The following PHYHIPL variants were observed in gnomAD, a reference collection of about 807,000 sequenced individuals.
PHYHIPL encodes phytanoyl-CoA 2-hydroxylase interacting protein like, also known as phytanoyl-CoA hydroxylase-interacting protein-like.
PHYHIPL carries 9 observed loss-of-function variants against 33.4 expected under a neutral mutation model. That is an observed-to-expected ratio of 0.27 (90% CI 0.16 to 0.47). The LOEUF is 0.47. Among genes scored for constraint, PHYHIPL ranks in the 20% least tolerant of loss-of-function variants. The pLI, the probability that PHYHIPL is intolerant of heterozygous loss-of-function variation, is 0.99. For missense variants in PHYHIPL, 365 were observed against 460.7 expected, an observed-to-expected ratio of 0.79 and a Z score of 1.90; for synonymous variants, 153 against 154.1, an observed-to-expected ratio of 0.99 and a Z score of 0.05.
chr10:59,217,694 AT>A (rs1839656362), intron 1 of PHYHIPL, among the ~76,000 whole-genome samples: 2 of 151,912 alleles, frequency 1.3e-5, no homozygotes, highest in African/African-American at 4.8e-5. Flanking sequence ...TTTATAAATT[AT>A]TGCTCAATTC....
chr10:59,229,366 G>A (rs1406076548), intron 1 of PHYHIPL, among the ~76,000 whole-genome samples: 1 of 152,046 alleles, frequency 6.6e-6, no homozygotes, highest in Non-Finnish European at 1.5e-5. Context: ...AATTATTATG[G>A]TGAATGATTT....
intron 1 of PHYHIPL, among the ~76,000 whole-genome samples, chr10:59,213,813 A>C (rs188191515): frequency 1.3e-5 from 2 of 152,332 alleles, no homozygotes; most frequent in East Asian, 3.9e-4. Context: ...TAAGTGACTC[A>C]ATCAGTGTTA....
chr10:59,183,738 A>G, intron 1 of PHYHIPL: 1 of 931,890 alleles, frequency 1.1e-6, no homozygotes, highest in Non-Finnish European at 1.3e-6. Context: ...TGTTATGACT[A>G]TTTGAGCCAT....
upstream of PHYHIPL, among the ~76,000 whole-genome samples, chr10:59,176,131 G>T (rs1838243748): frequency 6.6e-6 from 1 of 152,218 alleles, no homozygotes; most frequent in Admixed American, 6.5e-5. Flanking sequence ...GTCCGGCCGA[G>T]CCCGCAGGGT....
chr10:59,243,836 G>T (rs1478317061), intron 4 of PHYHIPL, among the ~76,000 whole-genome samples: 1 of 152,060 alleles, frequency 6.6e-6, no homozygotes, highest in Non-Finnish European at 1.5e-5. Context: ...CCTTCATAGA[G>T]GTGTAGTCAG....
chr10:59,200,585 G>A (rs1047534146), intron 1 of PHYHIPL, among the ~76,000 whole-genome samples: 1 of 152,148 alleles, frequency 6.6e-6, no homozygotes, highest in South Asian at 2.1e-4. Context: ...ATGAGTTAGG[G>A]AGGATTCCCC....
chr10:59,224,542 A>G (rs1839874310), intron 1 of PHYHIPL, among the ~76,000 whole-genome samples: 1 of 152,178 alleles, frequency 6.6e-6, no homozygotes, highest in East Asian at 1.9e-4. Context: ...CAATTGAACT[A>G]TATATCAAAA....
intron 1 of PHYHIPL, among the ~76,000 whole-genome samples, chr10:59,186,044 C>T (rs1838590365): frequency 6.6e-6 from 1 of 152,152 alleles, no homozygotes; most frequent in Non-Finnish European, 1.5e-5. Flanking sequence ...CTTGTCCATG[C>T]CTATGTCCTG....
chr10:59,180,520 T>C (rs1838387873), intron 1 of PHYHIPL, among the ~76,000 whole-genome samples: 1 of 151,612 alleles, frequency 6.6e-6, no homozygotes, highest in Non-Finnish European at 1.5e-5. Context: ...TTAACAAATA[T>C]TATTTTCATG....
chr10:59,186,186 C>T (rs2133189298), intron 1 of PHYHIPL, among the ~76,000 whole-genome samples: 1 of 152,284 alleles, frequency 6.6e-6, no homozygotes, highest in Non-Finnish European at 1.5e-5. Flanking sequence ...CTCCATATGG[C>T]TAGCCAGTTT....
chr10:59,184,179 T>A (rs1838499725), intron 1 of PHYHIPL, among the ~76,000 whole-genome samples: 3 of 152,146 alleles, frequency 2.0e-5, no homozygotes, highest in Admixed American at 6.5e-5. Flanking sequence ...CTGGGCAAAA[T>A]CCATAAGCCT....
chr10:59,247,489 A>C lies in PHYHIPL; in HGVS notation c.*1898A>C. The C allele has an allele frequency of 8.6e-7, 1 of 1,168,702 alleles. No individual in the cohort carries two copies. The highest frequency in any genetic ancestry group is 1.2e-6 in the Non-Finnish European group (1 of 809,426). The allele number at this position is 1,168,702 out of a possible 1,614,324, so 72.4% of individuals were successfully genotyped here. A position where few individuals can be genotyped will look rare whatever the true frequency, so the allele number is the denominator to read the frequency against. On this transcript the variant is annotated 3_prime_UTR_variant, in exon 5 of 5. Coordinates refer to ENST00000373880, the MANE Select transcript of PHYHIPL (RefSeq NM_032439.4). ...TTAAACTTGCTATTCCTTCTTAAAA[A>C]CAGCTAATACTACCACTAAAGTGCT... is the stretch of plus-strand genomic sequence containing the variant.
chr10:59,177,852 T>C (rs968095332), intron 1 of PHYHIPL, among the ~76,000 whole-genome samples: 1 of 152,210 alleles, frequency 6.6e-6, no homozygotes, highest in Non-Finnish European at 1.5e-5. Flanking sequence ...TAGTAATTGG[T>C]TGGCCGAATA....
chr10:59,179,743 AT>A (rs1838348892), intron 1 of PHYHIPL, among the ~76,000 whole-genome samples: 1 of 151,064 alleles, frequency 6.6e-6, no homozygotes, highest in African/African-American at 2.4e-5. Context: ...CAATAATTCA[AT>A]TTTTTTCATA....
At chr10:59,185,141 C>A (rs1838546717) in intron 1 of PHYHIPL, among the ~76,000 whole-genome samples, 1 of 151,694 alleles carries the variant, frequency 6.6e-6, no homozygotes, top group African/African-American at 2.4e-5. Flanking sequence ...CAGGCGCCCG[C>A]CACTACGCCC....
chr10:59,238,628 T>G lies in PHYHIPL; in HGVS notation c.519T>G (p.Ala173=), dbSNP rs1395060103. 1 of 1,611,022 alleles carries G rather than the reference T, an allele frequency of 6.2e-7. No individual in the cohort carries two copies. Among genetic ancestry groups the G allele is most frequent in the Admixed American group, 1.7e-5 (1 of 59,920 alleles). The change falls in exon 4 of 5, where the codon GCT becomes GCG. Residue 173 remains alanine (A), a synonymous_variant. Coordinates refer to ENST00000373880, the MANE Select transcript of PHYHIPL (RefSeq NM_032439.4). ...ATCTAACACAATTGTTGGAGAAGGC[T>G]GAAGTGATTGCAGGACGCATGCTTA... is the stretch of plus-strand genomic sequence containing the variant. The part of the protein sequence containing the change: ...KVHLTQLLEK[A]EVIAGRMLKF...
chr10:59,210,589 G>T (rs1346263692), intron 1 of PHYHIPL, among the ~76,000 whole-genome samples: 2 of 152,136 alleles, frequency 1.3e-5, no homozygotes, highest in African/African-American at 4.8e-5. Flanking sequence ...TATACTCAAA[G>T]GATTATAAAT....
At chr10:59,176,632 C>T (rs1838257494), upstream of PHYHIPL, 1 of 430,126 alleles carries the variant, frequency 2.3e-6, no homozygotes, top group Non-Finnish European at 4.1e-6. Flanking sequence ...CCGGGTCCTG[C>T]TCGGTCTCTC....
At chr10:59,183,634 A>C (rs537633846) in intron 1 of PHYHIPL, 25 of 983,936 alleles carry the variant, frequency 2.5e-5, no homozygotes, top group Non-Finnish European at 3.0e-5. Context: ...TTTGTTACAA[A>C]TGTAACTAAG....
Sources: gnomAD v4.1 joint callset for allele counts (sites outside exome capture counted in the v4.1 genomes callset) on GRCh38, gnomAD v4.1.1 for gene constraint, MANE v1.5 for transcripts, NCBI Gene and HGNC (gene_info 2026-07-23, HGNC 2026-07-21) for gene names.